Variants in FOXP2 observed in about 807,000 individuals in gnomAD.
FOXP2 encodes the protein forkhead box protein P2.
A neutral mutation model predicts 115.8 loss-of-function variants in FOXP2; 12 were observed. The observed-to-expected ratio is 0.10, with a 90% CI of 0.07 to 0.17. The LOEUF (loss-of-function observed/expected upper bound fraction) is 0.17. FOXP2 is among the 10% of genes least tolerant of loss of function. The pLI is 1.00. For synonymous variants in FOXP2, 328 were observed against 297.7 expected (o/e 1.10, Z -1.05); for missense variants, 629 against 843.5 (o/e 0.75, Z 3.15).
chr7:114,477,958 A>C (rs149900185), intron 2 of FOXP2, among the ~76,000 whole-genome samples: 156 of 151,978 alleles, frequency 1.0e-3, no homozygotes, highest in Middle Eastern at 3.4e-3. Context: ...CCAAAGTTCT[A>C]CAAAAACTTC....
chr7:114,679,562 G>A (rs1807969156), intron 16 of FOXP2, among the ~76,000 whole-genome samples: 1 of 151,920 alleles, frequency 6.6e-6, no homozygotes, highest in Non-Finnish European at 1.5e-5. Flanking sequence ...CAACTCAAAG[G>A]CCTTCTCGTC....
At chr7:114,517,533 G>T (rs977271540) in intron 2 of FOXP2, among the ~76,000 whole-genome samples, 6 of 152,162 alleles carry the variant, frequency 3.9e-5, no homozygotes, top group Non-Finnish European at 8.8e-5. Flanking sequence ...ATATCCAGAA[G>T]ATATCTAGTG....
chr7:114,146,424 A>G (rs999270779), intron 1 of FOXP2, among the ~76,000 whole-genome samples: 4 of 152,192 alleles, frequency 2.6e-5, no homozygotes, highest in African/African-American at 9.7e-5. Context: ...ACATAGATTC[A>G]ATGAATGTTT....
At position 114,644,794 on chromosome 7, in the gene FOXP2, G is replaced by GT. The variant is rs1805780612; in HGVS notation, c.1094+11dup. ...AGATTTTGGACAGTTTTTAAAGTAG[G>GT]TTTTTTACTTTTTTTTGGTGGGGGG... On this transcript the variant is annotated splice_donor_region_variant and intron_variant, in intron 8 of 16. Transcript: ENST00000350908. 1.2e-6 allele frequency: 2 copies of GT among 1,601,366 alleles called. No individual in the cohort carries two copies. The highest frequency in any genetic ancestry group is 1.3e-5 in the African/African-American group (1 of 74,360).
At chr7:114,416,834 G>A (rs1266679667) in intron 1 of FOXP2, among the ~76,000 whole-genome samples, 1 of 151,836 alleles carries the variant, frequency 6.6e-6, no homozygotes, top group Non-Finnish European at 1.5e-5. Flanking sequence ...CAGAGATTAC[G>A]GTATTGAAGG....
intron 3 of FOXP2, among the ~76,000 whole-genome samples, chr7:114,542,376 T>G (rs1258048275): frequency 6.6e-6 from 1 of 152,206 alleles, no homozygotes; most frequent in African/African-American, 2.4e-5. Context: ...TAATATTTAA[T>G]TCTTGTCTTA....
intron 1 of FOXP2, among the ~76,000 whole-genome samples, chr7:114,177,778 C>T (rs1001186956): frequency 6.6e-6 from 1 of 151,774 alleles, no homozygotes; most frequent in South Asian, 2.1e-4. Flanking sequence ...TTAACCTATG[C>T]ATTACCACAC....
chr7:114,247,617 CTT>C (rs1236424665), intron 1 of FOXP2, among the ~76,000 whole-genome samples: 3 of 152,108 alleles, frequency 2.0e-5, no homozygotes, highest in Non-Finnish European at 4.4e-5. Flanking sequence ...GAATGGCAGT[CTT>C]ATGTCCACTG....
intron 2 of FOXP2, among the ~76,000 whole-genome samples, chr7:114,508,101 A>G (rs1380052177): frequency 2.0e-5 from 3 of 152,056 alleles, no homozygotes; most frequent in South Asian, 2.1e-4. Context: ...TTTAAAAAAC[A>G]TATTTTATTA....
intron 3 of FOXP2, among the ~76,000 whole-genome samples, chr7:114,553,651 A>G (rs1003900004): frequency 6.6e-6 from 1 of 152,192 alleles, no homozygotes; most frequent in African/African-American, 2.4e-5. Context: ...ATTTAAGTAT[A>G]TGAACTAGAA....
chr7:114,575,388 T>G (rs1036173809), intron 3 of FOXP2, among the ~76,000 whole-genome samples: 2 of 151,902 alleles, frequency 1.3e-5, no homozygotes, highest in Admixed American at 6.6e-5. Context: ...GATGTAAATT[T>G]AAGTGTATTT....
At chr7:114,407,328 C>T (rs1224757541) in intron 2 of FOXP2, among the ~76,000 whole-genome samples, 2 of 151,866 alleles carry the variant, frequency 1.3e-5, no homozygotes, top group Non-Finnish European at 2.9e-5. Flanking sequence ...AAACATCAGA[C>T]CACCAAGAAG....
intron 2 of FOXP2, among the ~76,000 whole-genome samples, chr7:114,516,433 G>A (rs959403238): frequency 1.3e-5 from 2 of 151,962 alleles, no homozygotes; most frequent in Non-Finnish European, 2.9e-5. Flanking sequence ...AGACTGAAAC[G>A]TTACACCTAA....
intron 2 of FOXP2, among the ~76,000 whole-genome samples, chr7:114,443,610 G>T (rs1460899559): frequency 6.6e-6 from 1 of 152,000 alleles, no homozygotes; most frequent in Non-Finnish European, 1.5e-5. Flanking sequence ...GGTGTCTGTT[G>T]TTCCCAACTT....
chr7:114,514,625 T>G (rs1363831441), intron 2 of FOXP2, among the ~76,000 whole-genome samples: 1 of 152,004 alleles, frequency 6.6e-6, no homozygotes, highest in Non-Finnish European at 1.5e-5. Flanking sequence ...ATTCCATATC[T>G]TAGCTATTGT....
chr7:114,272,738 T>C (rs1039482450), intron 1 of FOXP2, among the ~76,000 whole-genome samples: 2 of 151,882 alleles, frequency 1.3e-5, no homozygotes, highest in Non-Finnish European at 2.9e-5. Context: ...TTGTTGATAA[T>C]ATTTCTTTAT....
chr7:114,366,036 A>AT (rs2129188403), intron 2 of FOXP2, among the ~76,000 whole-genome samples: 1 of 152,270 alleles, frequency 6.6e-6, no homozygotes, highest in Non-Finnish European at 1.5e-5. Context: ...TAAAAATCTA[A>AT]TTACTTTCAC....
At chr7:114,136,974 G>C (rs1026486283) in intron 1 of FOXP2, among the ~76,000 whole-genome samples, 20 of 151,962 alleles carry the variant, frequency 1.3e-4, no homozygotes, top group Non-Finnish European at 2.9e-5. Context: ...GAGGAATGTA[G>C]ACTCCATTTA....
intron 2 of FOXP2, among the ~76,000 whole-genome samples, chr7:114,462,427 A>G (rs1393311366): frequency 8.6e-6 from 1 of 115,818 alleles, no homozygotes; most frequent in Non-Finnish European, 1.6e-5. Context: ...GCTGAAGTGC[A>G]TTGGCGCTAT....
Sources: gnomAD v4.1 joint callset for allele counts (sites outside exome capture counted in the v4.1 genomes callset) on GRCh38, gnomAD v4.1.1 for gene constraint, MANE v1.5 for transcripts, NCBI Gene and HGNC (gene_info 2026-07-23, HGNC 2026-07-21) for gene names.